The following TFB2M variants were observed in gnomAD, a reference collection of about 807,000 sequenced individuals.
The protein encoded by TFB2M is transcription factor B2, mitochondrial.
Under a neutral mutation model 41.3 loss-of-function variants are expected in TFB2M, and 44 were observed. That is an observed-to-expected ratio of 1.07 (90% confidence interval 0.84 to 1.37). The LOEUF is 1.37. Ranked by LOEUF, TFB2M falls within the 40% of genes most tolerant of loss-of-function variation. TFB2M has a pLI of 0.00. For synonymous variants in TFB2M, 188 were observed against 176.8 expected (o/e 1.06, Z -0.50); for missense variants, 496 against 490.2 (o/e 1.01, Z -0.11).
At chr1:246,557,114 A>G (rs1659344500) in intron 3 of TFB2M, among the ~76,000 whole-genome samples, 1 of 152,088 alleles carries the variant, frequency 6.6e-6, no homozygotes, top group African/African-American at 2.4e-5. Context: ...TCTCTACCAA[A>G]AATACAAAAA....
Position 246,564,496 on chromosome 1 carries a change from A to C in TFB2M, c.314-62T>G, listed in dbSNP as rs964802560. On this transcript the variant is annotated intron_variant, in intron 1 of 7. Coordinates refer to ENST00000366514, the MANE Select transcript of TFB2M (RefSeq NM_022366.3). ...AGAAACATAATCTCTTTCAATACCA[A>C]ACTTTCATTAGATGTTTCACACGTT... 33 of 1,455,538 alleles carry C rather than the reference A, an allele frequency of 2.3e-5. No homozygotes were observed. The African/African-American group carries it at 4.2e-4, about 19-fold the overall frequency. The allele number at this position is 1,455,538 out of a possible 1,614,324, so 90.2% of individuals were successfully genotyped here.
intron 4 of TFB2M, among the ~76,000 whole-genome samples, chr1:246,551,891 T>C (rs1349877520): frequency 6.6e-6 from 1 of 152,220 alleles, no homozygotes; most frequent in Non-Finnish European, 1.5e-5. Flanking sequence ...CTTTGTTGAA[T>C]AGCGTATGCA....
intron 5 of TFB2M, 56 bp from the exon 6 acceptor site, chr1:246,548,663 C>T (rs1320330680): frequency 7.2e-6 from 11 of 1,535,908 alleles, no homozygotes; most frequent in Non-Finnish European, 8.9e-6. Flanking sequence ...GGTCAAAGTG[C>T]CCCAGTTATT....
In TFB2M at chr1:246,564,681, C is replaced by CTT. The variant is rs552531866; in HGVS notation, c.314-249_314-248dup. On this transcript the variant is annotated intron_variant, in intron 1 of 7. Coordinates refer to ENST00000366514, the MANE Select transcript of TFB2M (RefSeq NM_022366.3). ...TGTCAGCGACTGCAAAACCTGCACTCTTTTTTTTTTTTTTTTGAGACGAAG... is the reference window on the plus strand; with the variant it reads ...TGTCAGCGACTGCAAAACCTGCACTCTTTTTTTTTTTTTTTTTTGAGACGAAG... 8.0e-3 allele frequency among the ~76,000 whole-genome samples: 1,134 copies of CTT among 141,176 alleles called. 12 individuals are homozygous for CTT. Among genetic ancestry groups the CTT allele is most frequent in the African/African-American group, 0.027 (1,049 of 38,784 alleles). The allele number at this position is 141,176 out of a possible 152,430, so 92.6% of individuals were successfully genotyped here.
intron 5 of TFB2M, 30 bp from the exon 6 acceptor site, chr1:246,548,637 TC>T: frequency 3.8e-6 from 6 of 1,598,588 alleles, no homozygotes; most frequent in Non-Finnish European, 5.1e-6. Flanking sequence ...CAAAACAACA[TC>T]TTTTATTTCT....
rs922743807 is a variant in TFB2M, at chr1:246,564,252, C to G, written c.402+94G>C. 32 of 1,043,352 alleles carry G rather than the reference C, an allele frequency of 3.1e-5. No individual in the cohort carries two copies. The African/African-American group carries it at 4.8e-4, about 16-fold the overall frequency. 64.6% of individuals were successfully genotyped at this position (1,043,352 alleles called of 1,614,324 possible). A position where few individuals can be genotyped will look rare whatever the true frequency, so the allele number is the denominator to read the frequency against. ...CAGAGATGGCTCCCTAAAAGATATT[C>G]TATGTAAAACACTGTGTGCTTAATT... On this transcript the variant is annotated intron_variant, in intron 2 of 7. Transcript: ENST00000366514.
intron 2 of TFB2M, among the ~76,000 whole-genome samples, chr1:246,559,937 AAG>A (rs368099713): frequency 6.6e-6 from 1 of 152,216 alleles, no homozygotes; most frequent in African/African-American, 2.4e-5. Context: ...AGCTAAAAGA[AAG>A]AGTACCTACC....
intron 1 of TFB2M, 58 bp from the exon 2 acceptor site, chr1:246,564,492 A>G: frequency 6.7e-7 from 1 of 1,500,718 alleles, no homozygotes; most frequent in South Asian, 1.1e-5. Flanking sequence ...CTCTTTCAAT[A>G]CCAAACTTTC....
At chr1:246,554,006 T>G (rs537426938) in intron 4 of TFB2M, among the ~76,000 whole-genome samples, 5 of 152,244 alleles carry the variant, frequency 3.3e-5, no homozygotes, top group African/African-American at 1.2e-4. Flanking sequence ...TTTAGATCAA[T>G]AGAATACAAT....
At chr1:246,553,866 G>T (rs181661499) in intron 4 of TFB2M, among the ~76,000 whole-genome samples, 1 of 152,274 alleles carries the variant, frequency 6.6e-6, no homozygotes, top group East Asian at 1.9e-4. Flanking sequence ...AATCCATATA[G>T]AATCTCGAGG....
Position 246,566,259 on chromosome 1 carries a change from A to C in TFB2M, c.-121T>G, listed in dbSNP as rs1659672505. On this transcript the variant is annotated 5_prime_UTR_variant, in exon 1 of 8. Coordinates refer to ENST00000366514, the MANE Select transcript of TFB2M (RefSeq NM_022366.3). ...CGGGCCAGGTCAAGCGGAAGTAAAC[A>C]CTAGAGCCTGCGCATGCGAACAGCG... 3.0e-6 allele frequency: 3 copies of C among 984,624 alleles called. No individual in the cohort carries two copies. Among genetic ancestry groups the C allele is most frequent in the African/African-American group, 3.3e-5 (2 of 61,028 alleles). 61.0% of individuals were successfully genotyped at this position (984,624 alleles called of 1,614,324 possible). A position where few individuals can be genotyped will look rare whatever the true frequency, so the allele number is the denominator to read the frequency against.
At chr1:246,548,840 T>C (rs1041029622) in intron 5 of TFB2M, among the ~76,000 whole-genome samples, 1 of 152,236 alleles carries the variant, frequency 6.6e-6, no homozygotes, top group African/African-American at 2.4e-5. Flanking sequence ...TTATTAAACA[T>C]GACTTCGCCT....
intron 2 of TFB2M, among the ~76,000 whole-genome samples, chr1:246,559,400 T>C (rs1399701758): frequency 1.3e-5 from 2 of 152,004 alleles, no homozygotes; most frequent in Non-Finnish European, 2.9e-5. Flanking sequence ...AATACAAAAG[T>C]AAGCCAGGGG....
At chr1:246,549,741 T>A (rs1247244900) in intron 5 of TFB2M, among the ~76,000 whole-genome samples, 1 of 152,184 alleles carries the variant, frequency 6.6e-6, no homozygotes, top group Non-Finnish European at 1.5e-5. Flanking sequence ...AAGGCTACTG[T>A]CAAGTAACAA....
chr1:246,555,495 C>A (rs1156928747), intron 4 of TFB2M, among the ~76,000 whole-genome samples: 3 of 151,928 alleles, frequency 2.0e-5, no homozygotes, highest in Non-Finnish European at 2.9e-5. Context: ...TCGCTTGAGC[C>A]CAGGAGGTCC....
rs759885235 is a variant in TFB2M at position 246,556,656 on chromosome 1, C to T, written c.622G>A (p.Ala208Thr). ...RGEKRALWKL[A>T]YDLYSCTSIY... The stretch of plus-strand genomic sequence containing the variant: ...GAAGTACAGGAATACAAGTCATATG[C>T]GAGTTTCCAAAGTGCCCTTTTCTCA... Residue 208 changes from alanine (A) to threonine (T), a missense_variant, in exon 4 of 8, where the codon GCA becomes ACA. By Grantham distance (58) the Ala-to-Thr change is moderately conservative. Transcript: ENST00000366514. 17 of 1,581,534 alleles carry T rather than the reference C, an allele frequency of 1.1e-5. No individual in the cohort carries two copies. The highest frequency in any genetic ancestry group is 1.2e-5 in the South Asian group (1 of 84,442).
intron 7 of TFB2M, among the ~76,000 whole-genome samples, chr1:246,541,486 C>T (rs1038129612): frequency 6.6e-6 from 1 of 151,556 alleles, no homozygotes; most frequent in African/African-American, 2.4e-5. Context: ...CCAAAAAAAT[C>T]ACTTGTATTC....
intron 2 of TFB2M, among the ~76,000 whole-genome samples, chr1:246,558,561 T>C (rs1366602430): frequency 6.6e-6 from 1 of 152,198 alleles, no homozygotes; most frequent in East Asian, 1.9e-4. Context: ...ACACCATGGT[T>C]GGCCTCTTAC....
chr1:246,546,644 G>C (rs1174427804), intron 6 of TFB2M, among the ~76,000 whole-genome samples: 1 of 127,346 alleles, frequency 7.9e-6, no homozygotes, highest in Non-Finnish European at 1.7e-5. Flanking sequence ...AATAAAAAAA[G>C]GAAAAAAAAA....
Sources: allele counts gnomAD v4.1 joint callset (sites outside exome capture counted in the v4.1 genomes callset), GRCh38; gene constraint gnomAD v4.1.1; transcripts MANE v1.5; gene names NCBI Gene and HGNC (gene_info 2026-07-23, HGNC 2026-07-21).